CACNG5: variants seen among roughly 807,000 people sequenced by gnomAD.
CACNG5 encodes voltage-dependent calcium channel gamma-5 subunit.
Under a neutral mutation model 24.8 loss-of-function variants are expected in CACNG5, and 18 were observed. That is an observed-to-expected ratio of 0.73 (90% CI 0.50 to 1.08). CACNG5 has a LOEUF of 1.08. CACNG5 is among the 50% of genes least tolerant of loss of function. CACNG5 has a pLI of 0.00. For synonymous variants in CACNG5, 157 were observed against 149.1 expected (o/e 1.05, Z -0.39); for missense variants, 349 against 367.9 (o/e 0.95, Z 0.42).
At chr17:66,873,311 AT>A (rs1568070042) in intron 1 of CACNG5, among the ~76,000 whole-genome samples, 1 of 152,224 alleles carries the variant, frequency 6.6e-6, no homozygotes, top group Non-Finnish European at 1.5e-5. Context: ...CCCAGGTAGC[AT>A]TCCATAAATG....
chr17:66,875,629 C>G (rs1228905223), intron 1 of CACNG5, among the ~76,000 whole-genome samples: 2 of 152,220 alleles, frequency 1.3e-5, no homozygotes, highest in African/African-American at 4.8e-5. Flanking sequence ...CAATACCCAC[C>G]TGTGCCTCAA....
rs16960347 is a variant in CACNG5, at chr17:66,892,939, C to T, written c.*7699C>T. Among the ~76,000 whole-genome samples the T allele has an allele frequency of 0.1, 15,616 of 152,216 alleles. 1,073 individuals carry two copies. Among genetic ancestry groups the T allele is most frequent in the African/African-American group, 0.2 (8,392 of 41,502 alleles). On this transcript the variant is annotated 3_prime_UTR_variant, in exon 6 of 6. Transcript: ENST00000533854. ...GCACAGTCTCTTGCAAATGTCGATT[C>T]AGATACTACGACTTCAGCTTCAACC...
In CACNG5 at chr17:66,885,195, G is replaced by A; in HGVS notation, c.783G>A (p.Leu261=). 1 of 1,606,806 alleles carries A rather than the reference G, an allele frequency of 6.2e-7. No homozygotes were observed. The highest frequency in any genetic ancestry group is 8.5e-7 in the Non-Finnish European group (1 of 1,179,184). ...AGATGAACAGCAACTACCCCGCCTTGCTCAAGTGCCCCGACTATGATCAGA... is the reference window on the plus strand; with the variant it reads ...AGATGAACAGCAACTACCCCGCCTTACTCAAGTGCCCCGACTATGATCAGA... ...SLQMNSNYPA[L]LKCPDYDQMS... The change falls in exon 6 of 6, where the codon TTG becomes TTA. Residue 261 remains leucine, a synonymous_variant. Transcript: ENST00000533854.
At chr17:66,865,372 C>T (rs1344540868) in intron 1 of CACNG5, among the ~76,000 whole-genome samples, 3 of 151,694 alleles carry the variant, frequency 2.0e-5, no homozygotes, top group African/African-American at 7.3e-5. Context: ...TGATGTAAGA[C>T]ATTCTGCTTT....
intron 1 of CACNG5, among the ~76,000 whole-genome samples, chr17:66,842,779 G>A (rs1428884816): frequency 2.0e-5 from 3 of 152,180 alleles, no homozygotes; most frequent in Non-Finnish European, 4.4e-5. Context: ...AGCGTCTGAT[G>A]GGGCTGGCTA....
chr17:66,853,409 A>C (rs953382508), intron 1 of CACNG5, among the ~76,000 whole-genome samples: 10 of 152,202 alleles, frequency 6.6e-5, no homozygotes, highest in African/African-American at 2.4e-4. Flanking sequence ...TGACTTTACA[A>C]AAAGCTGCAA....
intron 1 of CACNG5, among the ~76,000 whole-genome samples, chr17:66,845,108 C>T (rs1039963618): frequency 1.1e-4 from 17 of 152,184 alleles, no homozygotes; most frequent in African/African-American, 4.1e-4. Context: ...GAATATTATG[C>T]AGCCATAAAA....
intron 4 of CACNG5, among the ~76,000 whole-genome samples, chr17:66,881,805 T>G (rs1398148823): frequency 1.3e-5 from 2 of 148,210 alleles, no homozygotes; most frequent in East Asian, 2.0e-4. Context: ...AGAAGTGAGG[T>G]TGGGGGTGGG....
rs1283355544 is a variant in CACNG5, at chr17:66,886,975, G to A, written c.*1735G>A. On this transcript the variant is annotated 3_prime_UTR_variant, in exon 6 of 6. Transcript: ENST00000533854. ...CACATTCCCTCTCCTGGTGTCCAAG[G>A]ACACCAGTCAGATTGGATTCGGGTC... 6.6e-6 allele frequency among the ~76,000 whole-genome samples: 1 copy of A among 152,134 alleles called. No homozygotes were observed. Among genetic ancestry groups the A allele is most frequent in the Non-Finnish European group, 1.5e-5 (1 of 68,038 alleles).
chr17:66,836,622 G>A (rs1296326628), intron 1 of CACNG5, among the ~76,000 whole-genome samples: 1 of 152,186 alleles, frequency 6.6e-6, no homozygotes, highest in Non-Finnish European at 1.5e-5. Context: ...GGTAGCTGGG[G>A]GACACCTCAT....
At position 66,889,261 on chromosome 17, in the gene CACNG5, T is replaced by G. The variant is rs1274032910; in HGVS notation, c.*4021T>G. On this transcript the variant is annotated 3_prime_UTR_variant, in exon 6 of 6. Coordinates refer to ENST00000533854, the MANE Select transcript of CACNG5 (RefSeq NM_145811.3). ...CAGGCATGAGCCACTGTGCCCATCC[T>G]CTACCCTCTTTCTTGTCCCATGGGT... Among the ~76,000 whole-genome samples, 1 of 152,216 alleles carries G rather than the reference T, an allele frequency of 6.6e-6. No individual in the cohort carries two copies. The highest frequency in any genetic ancestry group is 1.5e-5 in the Non-Finnish European group (1 of 68,046).
At position 66,835,148 on chromosome 17, in the gene CACNG5, G is replaced by C. The variant is rs979165514; in HGVS notation, c.-206G>C. ...GCCGAGCGGTTCCGGCTGACTGGACGGGGCGGGCGTCCCGGGCAGCCTAGC... is the reference window on the plus strand; with the variant it reads ...GCCGAGCGGTTCCGGCTGACTGGACCGGGCGGGCGTCCCGGGCAGCCTAGC... On this transcript the variant is annotated 5_prime_UTR_variant, in exon 1 of 6. Transcript: ENST00000533854. 2 of 152,180 alleles carry C rather than the reference G, an allele frequency of 1.3e-5. No homozygotes were observed. The highest frequency in any genetic ancestry group is 2.9e-5 in the Non-Finnish European group (2 of 68,036). The allele number at this position is 152,180 out of a possible 1,614,324, so 9.4% of individuals were successfully genotyped here.
At chr17:66,840,345 TGAG>T in intron 1 of CACNG5, among the ~76,000 whole-genome samples, 1 of 152,154 alleles carries the variant, frequency 6.6e-6, no homozygotes, top group East Asian at 1.9e-4. Flanking sequence ...CTCCCAGAGC[TGAG>T]GAGGAGGTCT....
Position 66,885,062 on chromosome 17 carries a change from A to C in CACNG5, c.650A>C (p.Tyr217Ser), listed in dbSNP as rs771161946. 13 of 1,613,938 alleles carry C rather than the reference A, an allele frequency of 8.1e-6. No individual in the cohort carries two copies. In the African/African-American group the frequency reaches 1.6e-4, roughly 20 times the overall value. The change falls in exon 6 of 6, where the codon TAC becomes TCC. Residue 217 changes from tyrosine to serine, a missense_variant. Transcript: ENST00000533854. Reference protein sequence around the residue: ...EDMYRPHPGFYRPRLSNCSDY... With the variant: ...EDMYRPHPGFSRPRLSNCSDY... The stretch of plus-strand genomic sequence containing the variant: ...ATGTACAGGCCCCACCCTGGCTTCT[A>C]CCGCCCTCGGCTGAGCAACTGCTCC...
Position 66,885,246 on chromosome 17 carries a change from G to T in CACNG5, c.*6G>T. Reference sequence around the variant, plus strand: ...TGTCCTCTTCACCCTGCTGAGCCTCGGCCGCCCCCATCCCTGGACTGTGGG... The same window carrying T: ...TGTCCTCTTCACCCTGCTGAGCCTCTGCCGCCCCCATCCCTGGACTGTGGG... On this transcript the variant is annotated 3_prime_UTR_variant, in exon 6 of 6. Transcript: ENST00000533854. 1 of 1,569,090 alleles carries T rather than the reference G, an allele frequency of 6.4e-7. No individual in the cohort carries two copies. The highest frequency in any genetic ancestry group is 8.6e-7 in the Non-Finnish European group (1 of 1,163,302).
chr17:66,864,954 G>A (rs1039269627), intron 1 of CACNG5, among the ~76,000 whole-genome samples: 3 of 152,096 alleles, frequency 2.0e-5, no homozygotes, highest in Non-Finnish European at 4.4e-5. Flanking sequence ...TTAAGGTGAG[G>A]TCTCACTATG....
intron 1 of CACNG5, among the ~76,000 whole-genome samples, chr17:66,852,175 G>T (rs778023167): frequency 5.3e-5 from 8 of 152,184 alleles, no homozygotes; most frequent in Non-Finnish European, 1.2e-4. Flanking sequence ...CTGGTCTTCG[G>T]ACTCTGAGAC....
In CACNG5 at chr17:66,894,254, C is replaced by T. The variant is rs1156398221; in HGVS notation, c.*9014C>T. 6.6e-6 allele frequency among the ~76,000 whole-genome samples: 1 copy of T among 152,116 alleles called. No individual in the cohort carries two copies. Among genetic ancestry groups the T allele is most frequent in the Non-Finnish European group, 1.5e-5 (1 of 68,036 alleles). On this transcript the variant is annotated 3_prime_UTR_variant, in exon 6 of 6. Transcript: ENST00000533854. ...AAGGACTCCTTTCAATCTGTCACCC[C>T]CTTGGGAGGATCCTGCACATCCTTC...
In CACNG5 at chr17:66,885,863, T is replaced by G. The variant is rs959877189; in HGVS notation, c.*623T>G. Among the ~76,000 whole-genome samples, 3 of 152,204 alleles carry G rather than the reference T, an allele frequency of 2.0e-5. No homozygotes were observed. Among genetic ancestry groups the G allele is most frequent in the African/African-American group, 7.2e-5 (3 of 41,454 alleles). On this transcript the variant is annotated 3_prime_UTR_variant, in exon 6 of 6. Coordinates refer to ENST00000533854, the MANE Select transcript of CACNG5 (RefSeq NM_145811.3). ...ACAGGCTGTGGTGAACTTTTTCTCC[T>G]TTCCTCACACCAGAACTCAGCTGCC...
Sources: gnomAD v4.1 joint callset for allele counts (sites outside exome capture counted in the v4.1 genomes callset) on GRCh38, gnomAD v4.1.1 for gene constraint, MANE v1.5 for transcripts, NCBI Gene and HGNC (gene_info 2026-07-23, HGNC 2026-07-21) for gene names.